The following SYT10 variants were observed in gnomAD, a reference collection of about 807,000 sequenced individuals.
SYT10 encodes synaptotagmin-10.
Under a neutral mutation model 51.1 loss-of-function variants are expected in SYT10, and 31 were observed. The ratio of observed to expected loss-of-function variants is 0.61; its 90% confidence interval spans 0.46 to 0.82. The LOEUF (loss-of-function observed/expected upper bound fraction) is 0.82, where lower values mean the gene tolerates loss of function less well. SYT10 is among the 40% of genes least tolerant of loss of function. The pLI is 0.00. For synonymous variants in SYT10, 233 were observed against 225.9 expected (o/e 1.03, Z -0.28); for missense variants, 603 against 634.0 (o/e 0.95, Z 0.53).
intron 3 of SYT10, among the ~76,000 whole-genome samples, chr12:33,386,382 C>T (rs1866156807): frequency 6.6e-6 from 1 of 152,056 alleles, no homozygotes; most frequent in Non-Finnish European, 1.5e-5. Context: ...TCATTCCTTT[C>T]CCCTCCAAGG....
rs181845213 is a variant in SYT10, at chr12:33,428,854, C to T, written c.152-2359G>A. ...CCGGGACGTGGAGCTTGCAGTGAGC[C>T]GAGGTTGCGCCACTGCACTCCAGCC... On this transcript the variant is annotated intron_variant, in intron 1 of 6. Transcript: ENST00000228567. Among the ~76,000 whole-genome samples, 108 of 148,748 alleles carry T rather than the reference C, an allele frequency of 7.3e-4. 2 individuals are homozygous for T. The highest frequency in any genetic ancestry group is 5.1e-3 in the South Asian group (24 of 4,688).
chr12:33,402,210 A>G, intron 3 of SYT10, among the ~76,000 whole-genome samples: 1 of 152,250 alleles, frequency 6.6e-6, no homozygotes, highest in East Asian at 1.9e-4. Context: ...AACTCCTATG[A>G]CATTAAATGT....
At chr12:33,439,304 G>A (rs1299866570) in intron 1 of SYT10, 68 bp downstream of exon 1, 3 of 1,546,210 alleles carry the variant, frequency 1.9e-6, no homozygotes, top group Non-Finnish European at 2.6e-6. Flanking sequence ...GCAGAACCCC[G>A]GAGCTTGCAG....
At chr12:33,406,479 C>T (rs1231096173) in intron 3 of SYT10, among the ~76,000 whole-genome samples, 1 of 152,068 alleles carries the variant, frequency 6.6e-6, no homozygotes, top group Non-Finnish European at 1.5e-5. Flanking sequence ...TCAATACTAA[C>T]TGTGAGGAAA....
chr12:33,380,808 GTTAAGTTGC>G (rs979907155), intron 5 of SYT10, among the ~76,000 whole-genome samples: 4 of 152,132 alleles, frequency 2.6e-5, no homozygotes, highest in Admixed American at 6.5e-5. Context: ...AGCACTTGTG[GTTAAGTTGC>G]TTCTCAAGAA....
rs576012035 is a variant in SYT10 at position 33,438,887 on chromosome 12, T to C, written c.151+485A>G. ...CAAGGCAGCCACCTCTGCAAGGGAG[T>C]TCTGCGTCCAAGCATGGCTTGTCCG... On this transcript the variant is annotated intron_variant, in intron 1 of 6. Transcript: ENST00000228567. Among the ~76,000 whole-genome samples, 10 of 152,270 alleles carry C rather than the reference T, an allele frequency of 6.6e-5. No individual in the cohort carries two copies. In the East Asian group the frequency reaches 1.5e-3, roughly 24 times the overall value.
At position 33,439,564 on chromosome 12, in the gene SYT10, C is replaced by A; in HGVS notation, c.-42G>T. 1.2e-6 allele frequency: 2 copies of A among 1,600,696 alleles called. No individual in the cohort carries two copies. Among genetic ancestry groups the A allele is most frequent in the Non-Finnish European group, 1.7e-6 (2 of 1,172,590 alleles). ...CGTTTTCTCTTTTTTTCCCAGTTAG[C>A]CGTCTTTTCCTCTTCCCGTACCTCT... On this transcript the variant is annotated 5_prime_UTR_variant, in exon 1 of 7. Transcript: ENST00000228567.
intron 1 of SYT10, 71 bp from the exon 2 acceptor site, chr12:33,426,566 T>C (rs985841034): frequency 1.7e-5 from 21 of 1,243,954 alleles, no homozygotes; most frequent in Non-Finnish European, 1.7e-5. Context: ...AAAGAATATT[T>C]TACATCATAA....
At chr12:33,405,102 T>G (rs1305321803) in intron 3 of SYT10, 1 of 152,140 alleles carries the variant, frequency 6.6e-6, no homozygotes, top group Non-Finnish European at 1.5e-5. Context: ...AGCCTGAATA[T>G]ATGTACATAA....
chr12:33,394,424 A>G (rs1404046773), intron 3 of SYT10, among the ~76,000 whole-genome samples: 1 of 152,220 alleles, frequency 6.6e-6, no homozygotes, highest in Non-Finnish European at 1.5e-5. Context: ...TAATACATTT[A>G]AGAAATCTAA....
In SYT10 at chr12:33,375,231, A is replaced by G. The variant is rs1157762400; in HGVS notation, c.*1599T>C. The G allele has an allele frequency of 2.0e-5, 3 of 152,060 alleles. No individual in the cohort carries two copies. The highest frequency in any genetic ancestry group is 4.4e-5 in the Non-Finnish European group (3 of 67,942). The allele number at this position is 152,060 out of a possible 1,614,324, so 9.4% of individuals were successfully genotyped here. On this transcript the variant is annotated 3_prime_UTR_variant, in exon 7 of 7. Transcript: ENST00000228567. ...GAACTGTGTTTGCCTTTAAAATGGT[A>G]ATGTGCAAAATATTTACCTCTTAAT...
intron 2 of SYT10, among the ~76,000 whole-genome samples, chr12:33,419,919 A>AT (rs991300515): frequency 1.3e-5 from 2 of 152,198 alleles, no homozygotes; most frequent in African/African-American, 4.8e-5. Context: ...CCAAGAACTT[A>AT]TTTTTTAGTA....
chr12:33,416,332 C>T (rs1409975715), intron 2 of SYT10, among the ~76,000 whole-genome samples: 1 of 152,112 alleles, frequency 6.6e-6, no homozygotes, highest in African/African-American at 2.4e-5. Flanking sequence ...ATCCACCCAC[C>T]TCAGCCTCCC....
intron 3 of SYT10, among the ~76,000 whole-genome samples, chr12:33,392,858 G>A (rs1437854074): frequency 3.3e-5 from 5 of 151,414 alleles, no homozygotes; most frequent in Admixed American, 2.0e-4. Context: ...ACCACCCAGA[G>A]CTACTATTGC....
intron 3 of SYT10, among the ~76,000 whole-genome samples, chr12:33,398,265 G>C (rs1866273862): frequency 6.6e-6 from 1 of 152,142 alleles, no homozygotes; most frequent in African/African-American, 2.4e-5. Context: ...TGTAATCCCA[G>C]CACTTTGGGA....
intron 5 of SYT10, among the ~76,000 whole-genome samples, chr12:33,380,491 T>G (rs1324902857): frequency 6.6e-6 from 1 of 152,196 alleles, no homozygotes; most frequent in African/African-American, 2.4e-5. Context: ...ATGTGATTTA[T>G]TTTTGCATAA....
intron 3 of SYT10, among the ~76,000 whole-genome samples, chr12:33,391,742 A>C (rs1866209412): frequency 6.6e-6 from 1 of 152,148 alleles, no homozygotes; most frequent in South Asian, 2.1e-4. Context: ...GGTGCCAGAA[A>C]ACATACTACT....
At chr12:33,425,268 A>AT (rs1386166216) in intron 2 of SYT10, among the ~76,000 whole-genome samples, 1 of 152,078 alleles carries the variant, frequency 6.6e-6, no homozygotes, top group Non-Finnish European at 1.5e-5. Context: ...GAGACCATTG[A>AT]TTTTACCCTG....
chr12:33,438,487 C>A (rs1592001251), intron 1 of SYT10, among the ~76,000 whole-genome samples: 1 of 152,172 alleles, frequency 6.6e-6, no homozygotes, highest in South Asian at 2.1e-4. Flanking sequence ...AACCGTGACC[C>A]AAACAGTGGC....
Sources: gnomAD v4.1 joint callset for allele counts (sites outside exome capture counted in the v4.1 genomes callset) on GRCh38, gnomAD v4.1.1 for gene constraint, MANE v1.5 for transcripts, NCBI Gene and HGNC (gene_info 2026-07-23, HGNC 2026-07-21) for gene names.